CD109: variants seen among roughly 807,000 people sequenced by gnomAD.
CD109 encodes the protein CD109 molecule, also known as CD109 antigen.
In CD109, 149 loss-of-function variants were observed where a neutral mutation model predicts 165.8. That is an observed-to-expected ratio of 0.90 (90% CI 0.79 to 1.03). The LOEUF is 1.03. Among genes scored for constraint, CD109 ranks in the 50% least tolerant of loss-of-function variants. CD109 has a pLI of 0.00. For missense variants in CD109, 1,712 were observed against 1,677.8 expected, an observed-to-expected ratio of 1.02 and a Z score of -0.36; for synonymous variants, 585 against 592.1, an observed-to-expected ratio of 0.99 and a Z score of 0.18.
intron 5 of CD109, among the ~76,000 whole-genome samples, chr6:73,749,977 G>C (rs1437791855): frequency 6.6e-6 from 1 of 152,188 alleles, no homozygotes; most frequent in Non-Finnish European, 1.5e-5. Context: ...CAGGGGGTTA[G>C]TATTATTGTT....
intron 18 of CD109, 133 bp downstream of exon 18, chr6:73,782,888 A>G: frequency 2.8e-6 from 2 of 717,398 alleles, no homozygotes; most frequent in East Asian, 2.7e-5. Flanking sequence ...AGGATTTTTT[A>G]GGAAATGATA....
Position 73,818,543 on chromosome 6 carries a change from G to A in CD109, c.4059+8G>A, listed in dbSNP as rs748661589. The A allele has an allele frequency of 1.2e-6, 2 of 1,610,622 alleles. No homozygotes were observed. Among genetic ancestry groups the A allele is most frequent in the Non-Finnish European group, 1.7e-6 (2 of 1,178,712 alleles). ...AACCTCTATTTAGATTCTGTAAGTA[G>A]TAAAACATAAGGTAACTGTTGACAA... On this transcript the variant is annotated splice_region_variant and intron_variant, in intron 31 of 32. Transcript: ENST00000287097.
At chr6:73,740,920 A>G (rs1410596951) in intron 5 of CD109, among the ~76,000 whole-genome samples, 2 of 152,018 alleles carry the variant, frequency 1.3e-5, no homozygotes, top group Non-Finnish European at 2.9e-5. Context: ...TTGGGGGATT[A>G]GTTAAGTGAT....
intron 31 of CD109, among the ~76,000 whole-genome samples, chr6:73,818,824 A>C (rs1424088044): frequency 1.3e-5 from 2 of 152,184 alleles, no homozygotes; most frequent in Non-Finnish European, 2.9e-5. Context: ...TAATTAAAAA[A>C]ATTCAACCCA....
chr6:73,775,692 C>G (rs995377874), intron 15 of CD109, among the ~76,000 whole-genome samples: 15 of 152,144 alleles, frequency 9.9e-5, no homozygotes, highest in Non-Finnish European at 2.2e-4. Flanking sequence ...CTCTGACAAT[C>G]TCTACTGTGT....
chr6:73,741,287 ACTT>A (rs1226158333), intron 5 of CD109, among the ~76,000 whole-genome samples: 2 of 152,120 alleles, frequency 1.3e-5, no homozygotes, highest in Non-Finnish European at 2.9e-5. Flanking sequence ...TGGGGATTGT[ACTT>A]CTTCTCTTGA....
chr6:73,728,201 G>A (rs1582068664), intron 3 of CD109, among the ~76,000 whole-genome samples: 1 of 152,090 alleles, frequency 6.6e-6, no homozygotes, highest in East Asian at 1.9e-4. Flanking sequence ...CACACCTGTA[G>A]TCCCAGCTAC....
At chr6:73,723,970 C>G (rs1210366750) in intron 3 of CD109, among the ~76,000 whole-genome samples, 5 of 152,174 alleles carry the variant, frequency 3.3e-5, no homozygotes, top group Non-Finnish European at 5.9e-5. Context: ...GTGTGGAACT[C>G]TGCTCCTCAG....
chr6:73,716,229 G>A (rs1436856357), intron 2 of CD109, among the ~76,000 whole-genome samples: 5 of 152,212 alleles, frequency 3.3e-5, no homozygotes, highest in Non-Finnish European at 5.9e-5. Context: ...GAACAGTGGT[G>A]TAACAAACAT....
rs756958421 is a variant in CD109 at position 73,806,905 on chromosome 6, A to G, written c.3022A>G (p.Asn1008Asp). The change falls in exon 25 of 33, where the codon AAT becomes GAT. Residue 1008 changes from asparagine (N) to aspartate (D), a missense_variant. Coordinates refer to ENST00000287097, the MANE Select transcript of CD109 (RefSeq NM_133493.5). ...EADPYIDIDQNVLHRTYTWLK... is the reference protein window; with the variant it reads ...EADPYIDIDQDVLHRTYTWLK... The stretch of plus-strand genomic sequence containing the variant: ...CGATCCTTACATAGATATTGATCAG[A>G]ATGTGTTACACAGAACATACACTTG... 3 of 1,613,990 alleles carry G rather than the reference A, an allele frequency of 1.9e-6. No individual in the cohort carries two copies. In the Admixed American group the frequency reaches 5.0e-5, roughly 27 times the overall value.
intron 24 of CD109, chr6:73,804,131 C>T (rs1775483607): frequency 2.0e-5 from 3 of 152,292 alleles, no homozygotes. Context: ...GGTCACATGG[C>T]TATGCCTAAC....
At chr6:73,708,211 A>G (rs866622746) in intron 2 of CD109, among the ~76,000 whole-genome samples, 23 of 151,292 alleles carry the variant, frequency 1.5e-4, no homozygotes, top group South Asian at 4.2e-4. Context: ...AAGTGTTCTC[A>G]TTGTTCAATT....
chr6:73,776,206 G>C (rs931161108), intron 15 of CD109, among the ~76,000 whole-genome samples: 1 of 151,998 alleles, frequency 6.6e-6, no homozygotes, highest in Non-Finnish European at 1.5e-5. Flanking sequence ...TTAAATGATA[G>C]CTATCCATTC....
chr6:73,714,750 TATA>T (rs1328686382), intron 2 of CD109, among the ~76,000 whole-genome samples: 1 of 152,204 alleles, frequency 6.6e-6, no homozygotes, highest in African/African-American at 2.4e-5. Flanking sequence ...GTGCTTGGAG[TATA>T]ACTCTAAGTT....
chr6:73,771,591 G>A lies in CD109; in HGVS notation c.1827+10G>A, dbSNP rs1170719594. 2.0e-6 allele frequency: 3 copies of A among 1,524,516 alleles called. No homozygotes were observed. Among genetic ancestry groups the A allele is most frequent in the South Asian group, 1.3e-5 (1 of 76,030 alleles). The allele number at this position is 1,524,516 out of a possible 1,614,324, so 94.4% of individuals were successfully genotyped here. A position where few individuals can be genotyped will look rare whatever the true frequency, so the allele number is the denominator to read the frequency against. ...TATTACAATGGAAAATGTGAGTTTA[G>A]CTATTTTTTCATTATGAAAATATGT... On this transcript the variant is annotated intron_variant, in intron 15 of 32. Transcript: ENST00000287097.
chr6:73,754,746 A>T (rs1239323005), intron 5 of CD109, among the ~76,000 whole-genome samples: 1 of 152,226 alleles, frequency 6.6e-6, no homozygotes, highest in African/African-American at 2.4e-5. Flanking sequence ...ATGATCAAAA[A>T]GTGAAGTAGT....
chr6:73,790,911 C>T (rs1774903715), intron 22 of CD109, among the ~76,000 whole-genome samples: 1 of 151,844 alleles, frequency 6.6e-6, no homozygotes, highest in Non-Finnish European at 1.5e-5. Context: ...AAAATTAACC[C>T]TCACAAATGG....
chr6:73,683,441 G>A, the CD109 span, among the ~76,000 whole-genome samples: 1 of 152,118 alleles, frequency 6.6e-6, no homozygotes, highest in East Asian at 1.9e-4. Context: ...GGATTTCATT[G>A]TGCATATCAC....
intron 5 of CD109, among the ~76,000 whole-genome samples, chr6:73,739,968 A>G (rs1032970355): frequency 6.6e-6 from 1 of 152,240 alleles, no homozygotes; most frequent in African/African-American, 2.4e-5. Context: ...TCCTGGGCTC[A>G]AGTGATCCTC....
Sources: gnomAD v4.1 joint callset for allele counts (sites outside exome capture counted in the v4.1 genomes callset) on GRCh38, gnomAD v4.1.1 for gene constraint, MANE v1.5 for transcripts, NCBI Gene and HGNC (gene_info 2026-07-23, HGNC 2026-07-21) for gene names.